ZNF362: variants seen among roughly 807,000 people sequenced by gnomAD.
ZNF362 encodes the protein zinc finger protein 362, also known as rotund homolog.
ZNF362 carries 11 observed loss-of-function variants against 42.9 expected under a neutral mutation model. That is an observed-to-expected ratio of 0.26 (90% CI 0.16 to 0.42). The LOEUF (loss-of-function observed/expected upper bound fraction) is 0.42. ZNF362 is among the 20% of genes least tolerant of loss of function. The probability of loss-of-function intolerance (pLI) is 1.00; values close to 1 mark genes in which losing one functional copy is unlikely to be tolerated. For synonymous variants in ZNF362, 255 were observed against 257.3 expected, an observed-to-expected ratio of 0.99 and a Z score of 0.09; for missense variants, 362 against 576.2, an observed-to-expected ratio of 0.63 and a Z score of 3.81.
chr1:33,218,920 A>G, the ZNF362 span, among the ~76,000 whole-genome samples: 4 of 129,154 alleles, frequency 3.1e-5, no homozygotes, highest in African/African-American at 8.5e-5. Flanking sequence ...AGGTCTGCCC[A>G]GGAGCTGGAC....
the ZNF362 span, among the ~76,000 whole-genome samples, chr1:33,243,705 T>C: frequency 1.3e-5 from 2 of 151,474 alleles, no homozygotes; most frequent in Non-Finnish European, 1.5e-5. Flanking sequence ...CATGCTATTC[T>C]CCTGCCTCAG....
At chr1:33,154,714 C>G in the ZNF362 span, among the ~76,000 whole-genome samples, 2 of 151,604 alleles carry the variant, frequency 1.3e-5, no homozygotes. Context: ...AGGAAAATCG[C>G]CTGAACCCAG....
At chr1:33,181,452 A>G in the ZNF362 span, 1 of 1,573,044 alleles carries the variant, frequency 6.4e-7, no homozygotes, top group Non-Finnish European at 8.6e-7. This position sits in a 1 kb window ranked among gnomAD's most constrained non-coding sequence, Gnocchi z 6.5. Context: ...GGCAGCAGAG[A>G]GGGGGGCCCG....
chr1:33,282,143 C>G (rs1227422105), intron 6 of ZNF362, among the ~76,000 whole-genome samples: 1 of 152,164 alleles, frequency 6.6e-6, no homozygotes, highest in Non-Finnish European at 1.5e-5. Context: ...GGTGAGGGAC[C>G]CGACCTCTGT....
At chr1:33,147,788 A>G in the ZNF362 span, 3 of 1,551,418 alleles carry the variant, frequency 1.9e-6, no homozygotes, top group South Asian at 1.2e-5. This position sits in a 1 kb window ranked among gnomAD's most constrained non-coding sequence, Gnocchi z 8.1. Context: ...CCCACCATGC[A>G]GTGCCTTCCT....
the ZNF362 span, among the ~76,000 whole-genome samples, chr1:33,234,445 C>A: frequency 1.3e-5 from 2 of 152,148 alleles, no homozygotes; most frequent in Non-Finnish European, 2.9e-5. Context: ...GGCTTCTTTC[C>A]ACTTAAAAAA....
chr1:33,145,413 A>C, the ZNF362 span: 2 of 161,940 alleles, frequency 1.2e-5, no homozygotes, highest in South Asian at 3.4e-4. Context: ...GACATCTGTA[A>C]CTTTAATTTA....
At chr1:33,144,091 C>T in the ZNF362 span, among the ~76,000 whole-genome samples, 3 of 151,746 alleles carry the variant, frequency 2.0e-5, no homozygotes, top group African/African-American at 7.3e-5. Context: ...CAGACACACT[C>T]TTACATGCAA....
At chr1:33,173,516 C>T in the ZNF362 span, among the ~76,000 whole-genome samples, 21 of 152,212 alleles carry the variant, frequency 1.4e-4, no homozygotes, top group South Asian at 3.5e-3. Flanking sequence ...CTTTTCCATT[C>T]TTACCTCCTC....
At chr1:33,207,358 C>T in the ZNF362 span, among the ~76,000 whole-genome samples, 3 of 152,138 alleles carry the variant, frequency 2.0e-5, no homozygotes, top group African/African-American at 7.2e-5. Flanking sequence ...CATTGTTGGA[C>T]ATTTGGGTTG....
chr1:33,229,654 C>T, the ZNF362 span, among the ~76,000 whole-genome samples: 1 of 152,016 alleles, frequency 6.6e-6, no homozygotes, highest in Non-Finnish European at 1.5e-5. Context: ...ATCTGCCTGT[C>T]TTGGCCTCTC....
chr1:33,180,877 T>A, the ZNF362 span: 1 of 166,212 alleles, frequency 6.0e-6, no homozygotes, highest in Non-Finnish European at 1.1e-5. Flanking sequence ...CCCGCGTTAC[T>A]CCTGATAGGG....
the ZNF362 span, among the ~76,000 whole-genome samples, chr1:33,137,640 A>G: frequency 6.6e-6 from 1 of 152,068 alleles, no homozygotes; most frequent in Non-Finnish European, 1.5e-5. Context: ...TAACCACACT[A>G]TTTGGCTAGT....
intron 4 of ZNF362, among the ~76,000 whole-genome samples, chr1:33,277,110 TAGCTCCAGTCG>T (rs1448932804): frequency 3.3e-5 from 5 of 152,236 alleles, no homozygotes; most frequent in African/African-American, 9.6e-5. Context: ...TGATGACAGC[TAGCTCCAGTCG>T]AGCGCCTGTG....
At chr1:33,180,977 A>T in the ZNF362 span, 6 of 187,378 alleles carry the variant, frequency 3.2e-5, no homozygotes, top group Non-Finnish European at 4.2e-5. Flanking sequence ...GCCCGGCCCC[A>T]CCTCCAGCCC....
chr1:33,274,543 T>G (rs1009988930), intron 2 of ZNF362, among the ~76,000 whole-genome samples: 3 of 152,172 alleles, frequency 2.0e-5, no homozygotes, highest in Non-Finnish European at 4.4e-5. Context: ...AAGAGCATCT[T>G]GGTGCCTGTG....
At chr1:33,219,355 C>T in the ZNF362 span, among the ~76,000 whole-genome samples, 6 of 152,344 alleles carry the variant, frequency 3.9e-5, no homozygotes, top group East Asian at 1.9e-4. Context: ...ATTCATTCAT[C>T]GGCGGACCAG....
the ZNF362 span, among the ~76,000 whole-genome samples, chr1:33,241,092 C>A: frequency 5.2e-4 from 75 of 143,812 alleles, no homozygotes; most frequent in African/African-American, 1.8e-3. Flanking sequence ...AATTCCCCCG[C>A]CCCGCCCCAC....
At chr1:33,232,205 G>A in the ZNF362 span, among the ~76,000 whole-genome samples, 1 of 152,160 alleles carries the variant, frequency 6.6e-6, no homozygotes, top group African/African-American at 2.4e-5. Context: ...GGACCTAAGG[G>A]GAAGTCTGAT....
Sources: allele counts gnomAD v4.1 joint callset (sites outside exome capture counted in the v4.1 genomes callset), GRCh38; gene constraint gnomAD v4.1.1; non-coding constraint Gnocchi (gnomAD v3.1); transcripts MANE v1.5; gene names NCBI Gene and HGNC (gene_info 2026-07-23, HGNC 2026-07-21).